The following GSK3B variants were observed in gnomAD, a reference collection of about 807,000 sequenced individuals.
GSK3B encodes the protein glycogen synthase kinase 3 beta.
Under a neutral mutation model 56.4 loss-of-function variants are expected in GSK3B, and 15 were observed. The ratio of observed to expected loss-of-function variants is 0.27; its 90% CI spans 0.18 to 0.41. GSK3B has a LOEUF of 0.41. Among genes scored for constraint, GSK3B ranks in the 10% least tolerant of loss-of-function variants. The pLI is 1.00. For missense variants in GSK3B, 300 were observed against 513.4 expected (o/e 0.58, Z 4.02); for synonymous variants, 181 against 188.9 (o/e 0.96, Z 0.34).
intron 1 of GSK3B, among the ~76,000 whole-genome samples, chr3:120,032,456 CAG>C (rs1018394975): frequency 3.5e-4 from 52 of 150,570 alleles, no homozygotes; most frequent in African/African-American, 1.0e-3. Context: ...GCCTGGGCAA[CAG>C]AGTGAGACTC....
intron 2 of GSK3B, among the ~76,000 whole-genome samples, chr3:119,970,794 C>A (rs2057359084): frequency 7.4e-6 from 1 of 134,312 alleles, no homozygotes; most frequent in Non-Finnish European, 1.5e-5. Context: ...TTCAAAAAAA[C>A]AAACAAACAA....
chr3:119,821,827 T>C lies in GSK3B; in HGVS notation c.*4961A>G, dbSNP rs2055413628. On this transcript the variant is annotated 3_prime_UTR_variant, in exon 11 of 11. Transcript: ENST00000264235. The stretch of plus-strand genomic sequence containing the variant: ...AGTGGTATTGATATCTTGTTCTGTA[T>C]AACAAAGATTAATGTTTCCCTAATT... 1 of 168,764 alleles carries C rather than the reference T, an allele frequency of 5.9e-6. No individual in the cohort carries two copies. The allele number at this position is 168,764 out of a possible 1,614,324, so 10.5% of individuals were successfully genotyped here.
chr3:119,940,110 TTGTGTGTGTGTG>T (rs56939160), intron 3 of GSK3B, among the ~76,000 whole-genome samples: 1 of 148,944 alleles, frequency 6.7e-6, no homozygotes, highest in East Asian at 2.0e-4. Flanking sequence ...GTGTGTGTGT[TTGTGTGTGTGTG>T]TGTGTGTGTG....
At chr3:119,885,851 A>G (rs1053815148) in intron 7 of GSK3B, among the ~76,000 whole-genome samples, 1 of 152,102 alleles carries the variant, frequency 6.6e-6, no homozygotes, top group Non-Finnish European at 1.5e-5. Context: ...ACCACATGCT[A>G]AAGAATGAAA....
At chr3:119,948,962 A>T (rs1382119620) in intron 2 of GSK3B, among the ~76,000 whole-genome samples, 1 of 152,110 alleles carries the variant, frequency 6.6e-6, no homozygotes, top group Admixed American at 6.5e-5. Flanking sequence ...TCAGCCTCCC[A>T]AAGTGCTGGG....
chr3:120,004,205 C>G (rs534445532), intron 1 of GSK3B, among the ~76,000 whole-genome samples: 127 of 152,178 alleles, frequency 8.3e-4, no homozygotes, highest in African/African-American at 3.0e-3. Context: ...GGGGCGTTTG[C>G]CATTGCTGAG....
intron 1 of GSK3B, among the ~76,000 whole-genome samples, chr3:120,080,334 AAGAAGGAAGAAGGT>A (rs1310880866): frequency 7.0e-6 from 1 of 143,432 alleles, no homozygotes; most frequent in Admixed American, 6.7e-5. Context: ...AAGACGAAGG[AAGAAGGAAGAAGGT>A]AGAAGGAAGA....
chr3:119,887,590 C>G (rs1289824199), intron 7 of GSK3B, among the ~76,000 whole-genome samples: 1 of 151,960 alleles, frequency 6.6e-6, no homozygotes, highest in African/African-American at 2.4e-5. Flanking sequence ...TAGAAACTAT[C>G]AAAGCTGAAG....
intron 7 of GSK3B, among the ~76,000 whole-genome samples, chr3:119,887,776 G>T (rs1350438749): frequency 1.3e-5 from 2 of 151,878 alleles, no homozygotes; most frequent in African/African-American, 4.8e-5. Context: ...CCTTAATGAG[G>T]ACAAATACAA....
intron 1 of GSK3B, among the ~76,000 whole-genome samples, chr3:120,019,145 C>A (rs1358560759): frequency 6.6e-6 from 1 of 152,036 alleles, no homozygotes; most frequent in East Asian, 1.9e-4. Flanking sequence ...TTTTACTTTT[C>A]ATACATTCAA....
chr3:119,895,131 G>A (rs1447684164), intron 7 of GSK3B, among the ~76,000 whole-genome samples: 1 of 151,922 alleles, frequency 6.6e-6, no homozygotes, highest in East Asian at 1.9e-4. Context: ...TCTCCTTCTG[G>A]AATTCAATCG....
At chr3:119,921,568 A>AT (rs2056839789) in intron 4 of GSK3B, among the ~76,000 whole-genome samples, 1 of 152,198 alleles carries the variant, frequency 6.6e-6, no homozygotes, top group Non-Finnish European at 1.5e-5. Flanking sequence ...CACTACAGAA[A>AT]TTCAGCAAAA....
At chr3:119,864,822 T>C (rs2056155799) in intron 8 of GSK3B, among the ~76,000 whole-genome samples, 2 of 152,230 alleles carry the variant, frequency 1.3e-5, no homozygotes. Flanking sequence ...TATTTGTTTT[T>C]AATTTATTAT....
At chr3:120,084,311 T>C (rs1203274272) in intron 1 of GSK3B, among the ~76,000 whole-genome samples, 1 of 152,034 alleles carries the variant, frequency 6.6e-6, no homozygotes, top group African/African-American at 2.4e-5. Context: ...ATAAATGATG[T>C]CTACCACAAT....
intron 1 of GSK3B, among the ~76,000 whole-genome samples, chr3:120,044,820 T>C (rs1339309881): frequency 6.6e-6 from 1 of 152,190 alleles, no homozygotes; most frequent in Non-Finnish European, 1.5e-5. Flanking sequence ...AAGGTGGAGT[T>C]TGTATTATAA....
chr3:119,913,856 C>A (rs1214353641), intron 5 of GSK3B, among the ~76,000 whole-genome samples: 1 of 151,964 alleles, frequency 6.6e-6, no homozygotes, highest in Admixed American at 6.6e-5. Context: ...CATACAATAA[C>A]CATTTCATAA....
intron 1 of GSK3B, among the ~76,000 whole-genome samples, chr3:120,021,516 CAA>C (rs529653038): frequency 7.0e-5 from 9 of 128,924 alleles, no homozygotes; most frequent in Admixed American, 2.4e-4. Flanking sequence ...ACTCCATCTC[CAA>C]AAAAAAAAAA....
chr3:120,044,632 T>G (rs1157001239), intron 1 of GSK3B, among the ~76,000 whole-genome samples: 1 of 152,216 alleles, frequency 6.6e-6, no homozygotes, highest in African/African-American at 2.4e-5. Context: ...TTTGAATCAT[T>G]GCCTCCATGG....
intron 2 of GSK3B, among the ~76,000 whole-genome samples, chr3:119,971,517 G>T (rs2057365731): frequency 6.7e-6 from 1 of 148,478 alleles, no homozygotes; most frequent in African/African-American, 2.5e-5. Flanking sequence ...CATAGTTTTA[G>T]TAACTGGCCT....
Sources: gnomAD v4.1 joint callset for allele counts (sites outside exome capture counted in the v4.1 genomes callset) on GRCh38, gnomAD v4.1.1 for gene constraint, MANE v1.5 for transcripts, NCBI Gene and HGNC (gene_info 2026-07-23, HGNC 2026-07-21) for gene names.